Variants in ECPAS observed in about 807,000 individuals in gnomAD.
The protein encoded by ECPAS is Ecm29 proteasome adaptor and scaffold.
ECPAS carries 70 observed loss-of-function variants against 255.1 expected under a neutral mutation model. The observed-to-expected ratio is 0.27, with a 90% confidence interval of 0.23 to 0.33. The LOEUF is 0.33. ECPAS is among the 10% of genes least tolerant of loss of function. The pLI, the probability that ECPAS is intolerant of heterozygous loss-of-function variation, is 1.00. For missense variants in ECPAS, 1,817 were observed against 2,206.4 expected (o/e 0.82, Z 3.54); for synonymous variants, 784 against 775.0 (o/e 1.01, Z -0.19).
At chr9:111,410,291 G>GT (rs964172411) in intron 22 of ECPAS, 78 bp from the exon 23 acceptor site, 88 of 1,263,192 alleles carry the variant, frequency 7.0e-5, no homozygotes, top group South Asian at 1.2e-4. Flanking sequence ...TGTACTCAAG[G>GT]TTTTTTTTAA....
chr9:111,449,103 A>AAT (rs2098256945), intron 3 of ECPAS, among the ~76,000 whole-genome samples: 1 of 152,184 alleles, frequency 6.6e-6, no homozygotes, highest in South Asian at 2.1e-4. Flanking sequence ...GGGGATGCCT[A>AAT]CTTCACATAA....
chr9:111,365,316 AT>A (rs1168434717), intron 48 of ECPAS, among the ~76,000 whole-genome samples: 1 of 151,144 alleles, frequency 6.6e-6, no homozygotes, highest in African/African-American at 2.4e-5. Context: ...CATCATCATC[AT>A]CATCATCACC....
At chr9:111,375,430 C>T (rs1292901294) in intron 37 of ECPAS, among the ~76,000 whole-genome samples, 1 of 151,998 alleles carries the variant, frequency 6.6e-6, no homozygotes, top group African/African-American at 2.4e-5. Context: ...AAATGAAAAA[C>T]ATCAATTTGC....
intron 24 of ECPAS, among the ~76,000 whole-genome samples, chr9:111,407,428 A>AAAAAAAAG (rs2098186434): frequency 1.4e-4 from 14 of 98,822 alleles, no homozygotes; most frequent in African/African-American, 2.4e-4. Flanking sequence ...AAAAAAAAAA[A>AAAAAAAAG]AAAAAAAAAA....
At chr9:111,420,446 C>T (rs1564533001) in intron 15 of ECPAS, among the ~76,000 whole-genome samples, 1 of 152,112 alleles carries the variant, frequency 6.6e-6, no homozygotes, top group East Asian at 1.9e-4. Context: ...CTTGGGACCA[C>T]GGTCACTGTG....
Position 111,407,176 on chromosome 9 carries a change from C to T in ECPAS, c.2652+1395G>A, listed in dbSNP as rs1279629737. Reference sequence around the variant, plus strand: ...CAGCACTTTGGGAGGCCGAGGTGGGCGGATCACCTGAGGGCAGAAGTTCAA... The same window carrying T: ...CAGCACTTTGGGAGGCCGAGGTGGGTGGATCACCTGAGGGCAGAAGTTCAA... On this transcript the variant is annotated intron_variant, in intron 24 of 49. Transcript: ENST00000684092. Among the ~76,000 whole-genome samples, 6 of 145,262 alleles carry T rather than the reference C, an allele frequency of 4.1e-5. 2 individuals are homozygous for T. The highest frequency in any genetic ancestry group is 1.6e-4 in the African/African-American group (6 of 37,060).
intron 35 of ECPAS, among the ~76,000 whole-genome samples, chr9:111,382,041 A>G (rs946674345): frequency 6.6e-6 from 1 of 150,808 alleles, no homozygotes; most frequent in Non-Finnish European, 1.5e-5. Context: ...ACACACACAC[A>G]AAGAATCCTT....
At chr9:111,375,606 T>C (rs2098132522) in intron 37 of ECPAS, among the ~76,000 whole-genome samples, 1 of 152,190 alleles carries the variant, frequency 6.6e-6, no homozygotes, top group African/African-American at 2.4e-5. Context: ...AGATGACTTT[T>C]CCTATAAATT....
chr9:111,423,358 T>A (rs2098217039), intron 12 of ECPAS, 110 bp from the exon 13 acceptor site: 2 of 744,426 alleles, frequency 2.7e-6, no homozygotes, highest in Non-Finnish European at 4.5e-6. Flanking sequence ...ATTATTTTAC[T>A]CCTTATTAAA....
rs766401977 is a variant in ECPAS, at chr9:111,389,578, G to A, written c.3425C>T (p.Ala1142Val). 9.3e-6 allele frequency: 15 copies of A among 1,613,336 alleles called. No homozygotes were observed. The highest frequency in any genetic ancestry group is 6.7e-5 in the African/African-American group (5 of 74,886). Residue 1142 changes from alanine to valine, a missense_variant, in exon 31 of 50, where the codon GCG (alanine) becomes GTG (valine). Physicochemically the swap from Ala to Val is moderately conservative, Grantham distance 64. Around this residue, in one of 4 missense-constraint regions of ECPAS, gnomAD observed 960 missense variants for 1,179.0 expected, o/e 0.81. Coordinates refer to ENST00000684092, the MANE Select transcript of ECPAS (RefSeq NM_001364929.1). The stretch of plus-strand genomic sequence containing the variant: ...TACCATGGATTTGTCAGTGACCAAC[G>A]CATTCCAAATACTTGTCATGGCCTG... ...IRQAMTSIWNALVTDKSMVDK... is the reference protein window; with the variant it reads ...IRQAMTSIWNVLVTDKSMVDK...
chr9:111,378,961 T>G (rs1007662893), intron 35 of ECPAS, among the ~76,000 whole-genome samples: 1 of 152,222 alleles, frequency 6.6e-6, no homozygotes, highest in Non-Finnish European at 1.5e-5. Context: ...TCATTAATAG[T>G]AGGAATGAAG....
Position 111,434,210 on chromosome 9 carries a change from C to T in ECPAS, c.709-838G>A, listed in dbSNP as rs1029477314. The stretch of plus-strand genomic sequence containing the variant: ...TCAAAAAAGGGCCTGCCTTCCCTCC[C>T]CTGCTCGATACAACTTACTTTTAAC... On this transcript the variant is annotated intron_variant, in intron 7 of 49. Transcript: ENST00000684092. Among the ~76,000 whole-genome samples the T allele has an allele frequency of 9.9e-5, 15 of 152,272 alleles. No individual in the cohort carries two copies. In the East Asian group the frequency reaches 2.5e-3, roughly 25 times the overall value.
chr9:111,430,608 G>A lies in ECPAS; in HGVS notation c.869C>T (p.Pro290Leu), dbSNP rs992404914. 6.3e-6 allele frequency: 10 copies of A among 1,595,332 alleles called. No individual in the cohort carries two copies. The highest frequency in any genetic ancestry group is 2.7e-5 in the African/African-American group (2 of 74,692). Residue 290 changes from proline (P) to leucine (L), a missense_variant, in exon 9 of 50, where the codon CCT (proline) becomes CTT (leucine). By Grantham distance (98) the Pro-to-Leu change is moderately conservative. Around this residue, in one of 4 missense-constraint regions of ECPAS, gnomAD observed 573 missense variants for 716.2 expected, o/e 0.80. Coordinates refer to ENST00000684092, the MANE Select transcript of ECPAS (RefSeq NM_001364929.1). ...SKQSLIDWNN[P>L]AIINKMYKVY... ...CTTGTACATCTTATTAATGATGGCA[G>A]GATTATTCCAGTCAATTAAGCTATG... is the stretch of plus-strand genomic sequence containing the variant.
At position 111,361,970 on chromosome 9, in the gene ECPAS, G is replaced by A; in HGVS notation, c.*60C>T. On this transcript the variant is annotated 3_prime_UTR_variant, in exon 50 of 50. Transcript: ENST00000684092. ...ACTTTTTCCCACTTGGTTTTTCAAA[G>A]AACACCACCACTTCAACCCCCAATG... 1 of 1,563,370 alleles carries A rather than the reference G, an allele frequency of 6.4e-7. No homozygotes were observed. Among genetic ancestry groups the A allele is most frequent in the Non-Finnish European group, 8.7e-7 (1 of 1,153,422 alleles).
In ECPAS at chr9:111,418,005, G is replaced by A. The variant is rs756031737; in HGVS notation, c.1561C>T (p.Arg521Cys). 3.2e-5 allele frequency: 51 copies of A among 1,580,016 alleles called. No homozygotes were observed. The highest frequency in any genetic ancestry group is 3.9e-5 in the Non-Finnish European group (46 of 1,168,524). ...TGTGCTTCTCCATGAACTTCTTCAC[G>A]TCTTTCAGAAAAAGACAAATAAGAA... ...YLLLLAAGDP[R>C]EEVHGEAQRV... is the part of the protein sequence containing the mutation. Residue 521 changes from arginine (R) to cysteine (C), a missense_variant and splice_region_variant, in exon 17 of 50, where the codon CGT (arginine) becomes TGT (cysteine). By Grantham distance (180) the Arg-to-Cys change is radical. Around this residue, in one of 4 missense-constraint regions of ECPAS, gnomAD observed 573 missense variants for 716.2 expected, o/e 0.80. Coordinates refer to ENST00000684092, the MANE Select transcript of ECPAS (RefSeq NM_001364929.1).
intron 42 of ECPAS, 111 bp from the exon 43 acceptor site, chr9:111,371,940 G>A (rs1411095644): frequency 9.5e-6 from 7 of 737,406 alleles, no homozygotes; most frequent in East Asian, 2.6e-5. Context: ...ACTCTCAACT[G>A]TTAAAACACA....
intron 2 of ECPAS, among the ~76,000 whole-genome samples, chr9:111,458,024 GA>G (rs1254584767): frequency 6.6e-6 from 1 of 152,050 alleles, no homozygotes; most frequent in Non-Finnish European, 1.5e-5. Context: ...ACACACATGA[GA>G]AACACACATT....
chr9:111,394,012 T>C (rs1386430419), intron 26 of ECPAS, 148 bp downstream of exon 26: 14 of 845,058 alleles, frequency 1.7e-5, no homozygotes, highest in Non-Finnish European at 2.3e-5. Context: ...CCAGCCTATA[T>C]ACATCAGGCC....
intron 3 of ECPAS, among the ~76,000 whole-genome samples, chr9:111,448,444 A>C (rs889237130): frequency 1.2e-4 from 19 of 152,310 alleles, no homozygotes; most frequent in Non-Finnish European, 2.5e-4. Context: ...AAAATACTAT[A>C]ATTATTAATA....
Sources: allele counts gnomAD v4.1 joint callset (sites outside exome capture counted in the v4.1 genomes callset), GRCh38; gene constraint gnomAD v4.1.1; regional missense constraint gnomAD v4.1.1; transcripts MANE v1.5; gene names NCBI Gene and HGNC (gene_info 2026-07-23, HGNC 2026-07-21).